NPLOC4: variants seen among roughly 807,000 people sequenced by gnomAD.
The protein encoded by NPLOC4 is nuclear protein localization protein 4 homolog.
A neutral mutation model predicts 80.6 loss-of-function variants in NPLOC4; 18 were observed. The ratio of observed to expected loss-of-function variants is 0.22; its 90% CI spans 0.15 to 0.33. The LOEUF is 0.33. Ranked by LOEUF, NPLOC4 falls within the 10% of genes least tolerant of loss-of-function variation. The probability of loss-of-function intolerance (pLI) is 1.00; values close to 1 mark genes in which losing one functional copy is unlikely to be tolerated. For missense variants in NPLOC4, 540 were observed against 786.1 expected, an observed-to-expected ratio of 0.69 and a Z score of 3.74; for synonymous variants, 313 against 301.5, an observed-to-expected ratio of 1.04 and a Z score of -0.39.
Position 81,558,343 on chromosome 17 carries a change from A to G in NPLOC4, c.*916T>C, listed in dbSNP as rs1204588961. 1 of 152,328 alleles carries G rather than the reference A, an allele frequency of 6.6e-6. No individual in the cohort carries two copies. The highest frequency in any genetic ancestry group is 1.5e-5 in the Non-Finnish European group (1 of 68,108). The allele number at this position is 152,328 out of a possible 1,614,324, so 9.4% of individuals were successfully genotyped here. On this transcript the variant is annotated 3_prime_UTR_variant, in exon 17 of 17. Transcript: ENST00000331134. Reference sequence around the variant, plus strand: ...GTGACCCAGCTCTCCCACCCAGGCCATCGCAGGGCAGCCTCAGGGCAGGCG... The same window carrying G: ...GTGACCCAGCTCTCCCACCCAGGCCGTCGCAGGGCAGCCTCAGGGCAGGCG...
chr17:81,559,898 A>G (rs1413449972), intron 16 of NPLOC4, among the ~76,000 whole-genome samples: 3 of 151,248 alleles, frequency 2.0e-5, no homozygotes, highest in Admixed American at 2.0e-4. Flanking sequence ...ATGCCTGGCT[A>G]ATTTTATCTA....
At chr17:81,625,108 C>T (rs572173720) in intron 2 of NPLOC4, among the ~76,000 whole-genome samples, 107 of 152,220 alleles carry the variant, frequency 7.0e-4, no homozygotes, top group Non-Finnish European at 8.4e-4. Context: ...GCACACTTTC[C>T]AGCAGTGGTC....
chr17:81,620,236 AC>A (rs1364693002), intron 3 of NPLOC4, among the ~76,000 whole-genome samples: 2 of 152,192 alleles, frequency 1.3e-5, no homozygotes, highest in African/African-American at 2.4e-5. Flanking sequence ...GGTGGCTCAC[AC>A]CTGTAATCCC....
At chr17:81,564,933 C>T (rs541807116) in intron 16 of NPLOC4, 73 of 237,172 alleles carry the variant, frequency 3.1e-4, no homozygotes, top group African/African-American at 1.5e-3. Context: ...TCAGGGCACT[C>T]GGGCTGCACG....
chr17:81,604,722 G>A lies in NPLOC4; in HGVS notation c.660C>T (p.Tyr220=), dbSNP rs2035152526. Residue 220 remains tyrosine (Y), a synonymous_variant, in exon 8 of 17, where the codon TAC becomes TAT. Coordinates refer to ENST00000331134, the MANE Select transcript of NPLOC4 (RefSeq NM_017921.4). ...CAAACATGATATTGTCCACATGCCT[G>A]TACTTCTGTAGAGTTAACAAGAGTG... ...PSAITLNRQK[Y]RHVDNIMFEN... is the part of the protein sequence containing the mutation. 1.2e-6 allele frequency: 2 copies of A among 1,611,926 alleles called. No homozygotes were observed. Among genetic ancestry groups the A allele is most frequent in the Non-Finnish European group, 1.7e-6 (2 of 1,178,920 alleles).
intron 1 of NPLOC4, among the ~76,000 whole-genome samples, chr17:81,631,414 A>T (rs1402007158): frequency 2.6e-5 from 3 of 113,490 alleles, no homozygotes; most frequent in Non-Finnish European, 5.2e-5. Flanking sequence ...ATGCATATTA[A>T]AGTGTACATA....
In NPLOC4 at chr17:81,629,731, C is replaced by T. The variant is rs1382413391; in HGVS notation, c.90G>A (p.Leu30=). 1 of 1,612,988 alleles carries T rather than the reference C, an allele frequency of 6.2e-7. No individual in the cohort carries two copies. The highest frequency in any genetic ancestry group is 8.5e-7 in the Non-Finnish European group (1 of 1,179,134). Residue 30 remains leucine, a synonymous_variant, in exon 2 of 17, where the codon TTG becomes TTA. Coordinates refer to ENST00000331134, the MANE Select transcript of NPLOC4 (RefSeq NM_017921.4). ...ATKRETAATF[L]KKVAKEFGFQ... ...ATACCCAGGCCACAGATACCTTTTT[C>T]AAAAATGTTGCTGCTGTTTCTCTCT...
chr17:81,569,073 A>G lies in NPLOC4; in HGVS notation c.1392T>C (p.Phe464=), dbSNP rs1016447556. Residue 464 remains phenylalanine, a synonymous_variant, in exon 14 of 17, where the codon TTT becomes TTC. Transcript: ENST00000331134. The stretch of plus-strand genomic sequence containing the variant: ...TAGGAAATGGATTTTGCGAAATAGA[A>G]AAAGTGTAAACTGGATCCTTGGGGA... The part of the protein sequence containing the change: ...TTFPKDPVYT[F]SISQNPFPIE... 3 of 1,613,266 alleles carry G rather than the reference A, an allele frequency of 1.9e-6. No homozygotes were observed. The highest frequency in any genetic ancestry group is 2.5e-6 in the Non-Finnish European group (3 of 1,179,182).
chr17:81,597,221 C>T (rs372219665), intron 10 of NPLOC4, 24 bp downstream of exon 10: 75 of 1,599,680 alleles, frequency 4.7e-5, no homozygotes, highest in Middle Eastern at 3.3e-4. Flanking sequence ...TAGGGCCACA[C>T]GCACAGTCCT....
intron 3 of NPLOC4, among the ~76,000 whole-genome samples, chr17:81,616,601 G>A (rs2035498908): frequency 6.6e-6 from 1 of 151,618 alleles, no homozygotes; most frequent in Non-Finnish European, 1.5e-5. Context: ...ATGGTGGCAG[G>A]TGCCTGTAGT....
At chr17:81,601,519 A>AG (rs1489499371) in intron 8 of NPLOC4, among the ~76,000 whole-genome samples, 2 of 152,130 alleles carry the variant, frequency 1.3e-5, no homozygotes, top group Admixed American at 6.5e-5. Flanking sequence ...GCCCCTACAA[A>AG]GTGCTGGGAT....
chr17:81,614,974 C>T (rs868070563), intron 3 of NPLOC4, among the ~76,000 whole-genome samples: 6 of 152,278 alleles, frequency 3.9e-5, no homozygotes, highest in Middle Eastern at 3.4e-3. Flanking sequence ...AGTGCAGGCC[C>T]TCAAGGACAC....
Position 81,636,844 on chromosome 17 carries a change from C to G in NPLOC4, c.15+72G>C. Reference sequence around the variant, plus strand: ...TCGCGGCGCCGGCAGGCCCGCCTCCCCCACAGGCCGAGGCCGGCAAATCTG... The same window carrying G: ...TCGCGGCGCCGGCAGGCCCGCCTCCGCCACAGGCCGAGGCCGGCAAATCTG... On this transcript the variant is annotated intron_variant, in intron 1 of 16. Transcript: ENST00000331134. 2.2e-6 allele frequency: 3 copies of G among 1,337,034 alleles called. No homozygotes were observed. In the South Asian group the frequency reaches 5.5e-5, roughly 24 times the overall value. The allele number at this position is 1,337,034 out of a possible 1,614,324, so 82.8% of individuals were successfully genotyped here.
At chr17:81,574,424 C>T (rs906160959) in intron 12 of NPLOC4, among the ~76,000 whole-genome samples, 1 of 152,202 alleles carries the variant, frequency 6.6e-6, no homozygotes, top group Admixed American at 6.5e-5. Context: ...CAAGCCTTCA[C>T]TCAGATGTTT....
At chr17:81,583,287 G>T (rs941454796) in intron 12 of NPLOC4, among the ~76,000 whole-genome samples, 3 of 152,202 alleles carry the variant, frequency 2.0e-5, no homozygotes, top group African/African-American at 7.2e-5. Flanking sequence ...AAGAACCAAA[G>T]GCCATCAACA....
intron 12 of NPLOC4, among the ~76,000 whole-genome samples, chr17:81,582,746 G>A (rs1048401872): frequency 6.6e-5 from 10 of 152,222 alleles, no homozygotes; most frequent in African/African-American, 1.9e-4. Context: ...ACAGTCAAGC[G>A]CCTCCTGGCT....
intron 3 of NPLOC4, among the ~76,000 whole-genome samples, chr17:81,619,475 G>A (rs2035603462): frequency 1.3e-5 from 2 of 151,728 alleles, no homozygotes; most frequent in South Asian, 4.2e-4. Context: ...CTTGAACCCG[G>A]GGGGGCAGAG....
intron 1 of NPLOC4, among the ~76,000 whole-genome samples, chr17:81,634,098 C>A (rs1008524202): frequency 6.6e-6 from 1 of 151,426 alleles, no homozygotes; most frequent in Non-Finnish European, 1.5e-5. Context: ...TCTCAAACTC[C>A]TGAGCTCAGG....
chr17:81,563,829 C>A, intron 16 of NPLOC4: 2 of 421,630 alleles, frequency 4.7e-6, no homozygotes, highest in Non-Finnish European at 4.8e-6. Context: ...CAGTTGAAGG[C>A]CATTATTCTA....
Sources: gnomAD v4.1 joint callset for allele counts (sites outside exome capture counted in the v4.1 genomes callset) on GRCh38, gnomAD v4.1.1 for gene constraint, MANE v1.5 for transcripts, NCBI Gene and HGNC (gene_info 2026-07-23, HGNC 2026-07-21) for gene names.